TTC12: variants seen among roughly 807,000 people sequenced by gnomAD.
The protein encoded by TTC12 is tetratricopeptide repeat domain 12.
Under a neutral mutation model 90.1 loss-of-function variants are expected in TTC12, and 70 were observed. That is an observed-to-expected ratio of 0.78 (90% CI 0.64 to 0.95). The LOEUF is 0.95. Ranked by LOEUF, TTC12 falls within the 40% of genes least tolerant of loss-of-function variation. TTC12 has a pLI of 0.00. For synonymous variants in TTC12, 296 were observed against 311.5 expected, an observed-to-expected ratio of 0.95 and a Z score of 0.53; for missense variants, 819 against 846.1, an observed-to-expected ratio of 0.97 and a Z score of 0.40.
chr11:113,332,293 G>A (rs1948109654), intron 7 of TTC12, among the ~76,000 whole-genome samples: 1 of 152,146 alleles, frequency 6.6e-6, no homozygotes, highest in South Asian at 2.1e-4. Flanking sequence ...AAGGAGAGTG[G>A]GCCTATTCGT....
intron 7 of TTC12, among the ~76,000 whole-genome samples, chr11:113,331,030 G>A (rs2137956965): frequency 6.6e-6 from 1 of 152,128 alleles, no homozygotes; most frequent in East Asian, 1.9e-4. Context: ...ATTTCTTATT[G>A]AGAGGGTAAG....
intron 15 of TTC12, 49 bp downstream of exon 15, chr11:113,351,348 G>A (rs373516845): frequency 3.2e-5 from 47 of 1,470,054 alleles, no homozygotes; most frequent in African/African-American, 8.3e-5. Context: ...TCTCAGGAGC[G>A]TGAATGGGGC....
At chr11:113,356,404 G>A (rs1030669554) in intron 16 of TTC12, among the ~76,000 whole-genome samples, 3 of 152,218 alleles carry the variant, frequency 2.0e-5, no homozygotes, top group African/African-American at 4.8e-5. Context: ...TTGCCACTCT[G>A]TGTCTTGGGA....
At chr11:113,370,444 G>A (rs776557241), downstream of TTC12, among the ~76,000 whole-genome samples, 2 of 152,208 alleles carry the variant, frequency 1.3e-5, no homozygotes, top group Admixed American at 6.5e-5. Context: ...AGCAGCTCCC[G>A]GCCCTGTGGG....
downstream of TTC12, among the ~76,000 whole-genome samples, chr11:113,367,062 C>T (rs1950242059): frequency 6.6e-6 from 1 of 152,230 alleles, no homozygotes; most frequent in Non-Finnish European, 1.5e-5. Context: ...ACCCCATCCC[C>T]AGAGGCAACG....
intron 8 of TTC12, among the ~76,000 whole-genome samples, chr11:113,336,966 C>T (rs1455952422): frequency 2.0e-5 from 3 of 152,160 alleles, no homozygotes; most frequent in Non-Finnish European, 2.9e-5. Flanking sequence ...ATATTAAGTC[C>T]TCCTATCCAT....
chr11:113,350,209 T>C (rs781948790), intron 14 of TTC12, 44 bp downstream of exon 14: 5 of 1,400,028 alleles, frequency 3.6e-6, no homozygotes, highest in Non-Finnish European at 5.1e-6. Context: ...TCTTCAGTCT[T>C]TGTTGAACTG....
rs1258254216 is a variant in TTC12, at chr11:113,323,417, A to G, written c.188A>G (p.Lys63Arg). 4 of 1,610,562 alleles carry G rather than the reference A, an allele frequency of 2.5e-6. No homozygotes were observed. In the African/African-American group the frequency reaches 4.0e-5, roughly 16 times the overall value. Reference protein sequence around the residue: ...EEDECRTTLNKTMISPPQTAM... With the variant: ...EEDECRTTLNRTMISPPQTAM... ...GATGAATGCAGGACCACCTTGAACAAGACTATGATCAGTCCTCCACAAACT... is the reference window on the plus strand; with the variant it reads ...GATGAATGCAGGACCACCTTGAACAGGACTATGATCAGTCCTCCACAAACT... The change falls in exon 3 of 22, where the codon AAG becomes AGG. Residue 63 changes from lysine to arginine, a missense_variant. Physicochemically the swap from Lys to Arg is conservative, Grantham distance 26. Coordinates refer to ENST00000529221, the MANE Select transcript of TTC12 (RefSeq NM_017868.4).
At chr11:113,341,501 C>G (rs555268599) in intron 11 of TTC12, among the ~76,000 whole-genome samples, 1 of 152,234 alleles carries the variant, frequency 6.6e-6, no homozygotes, top group Admixed American at 6.5e-5. Context: ...TTCAGTTGTT[C>G]TGGTGTGCTT....
At chr11:113,358,227 G>A (rs1482368070) in intron 16 of TTC12, among the ~76,000 whole-genome samples, 1 of 152,192 alleles carries the variant, frequency 6.6e-6, no homozygotes. Flanking sequence ...GGAAGAGGAG[G>A]GGCAGGACTG....
At chr11:113,334,497 GTTCTC>G (rs1353884441) in intron 7 of TTC12, among the ~76,000 whole-genome samples, 1 of 152,052 alleles carries the variant, frequency 6.6e-6, no homozygotes, top group Non-Finnish European at 1.5e-5. Context: ...CTTAGAGTAA[GTTCTC>G]TTCTCTTCTA....
chr11:113,329,787 G>T (rs1197261238), intron 6 of TTC12, 133 bp from the exon 7 acceptor site: 1 of 784,330 alleles, frequency 1.3e-6, no homozygotes, highest in Non-Finnish European at 2.3e-6. Context: ...TCTGTTTCCT[G>T]GCAGGACCAT....
At chr11:113,324,573 C>T (rs782292143) in intron 4 of TTC12, 32 bp from the exon 5 acceptor site, 24 of 1,590,542 alleles carry the variant, frequency 1.5e-5, no homozygotes, top group Admixed American at 5.2e-5. Flanking sequence ...TTGGATTTTT[C>T]TTTTTAATAT....
rs370639948 is a variant in TTC12 at position 113,325,563 on chromosome 11, A to G, written c.362A>G (p.Asn121Ser). 9 of 1,613,908 alleles carry G rather than the reference A, an allele frequency of 5.6e-6. No homozygotes were observed. The highest frequency in any genetic ancestry group is 7.6e-6 in the Non-Finnish European group (9 of 1,179,856). The change falls in exon 6 of 22, where the codon AAT (asparagine) becomes AGT (serine). Residue 121 changes from asparagine (N) to serine (S), a missense_variant. Transcript: ENST00000529221. ...GGGAATGAAGCATTTGCTGAAGGCA[A>G]TTATGAAACAGCTATCCTGCGCTAC... ...EKGNEAFAEG[N>S]YETAILRYSE... is the part of the protein sequence containing the mutation.
At position 113,359,408 on chromosome 11, in the gene TTC12, A is replaced by G. The variant is rs1565624563; in HGVS notation, c.1492A>G (p.Thr498Ala). 9.3e-6 allele frequency: 15 copies of G among 1,613,328 alleles called. No individual in the cohort carries two copies. The highest frequency in any genetic ancestry group is 1.3e-5 in the Non-Finnish European group (15 of 1,179,512). Reference protein sequence around the residue: ...DVDLFREVIYTLLGLMMNLCL... With the variant: ...DVDLFREVIYALLGLMMNLCL... ...GGACCTGTTCAGAGAGGTTATCTAC[A>G]CACTCCTGGGACTCATGATGAACCT... Residue 498 changes from threonine (T) to alanine (A), a missense_variant, in exon 17 of 22, where the codon ACA (threonine) becomes GCA (alanine). Physicochemically the swap from Thr to Ala is moderately conservative, Grantham distance 58 (BLOSUM62 0). Transcript: ENST00000529221.
intron 18 of TTC12, among the ~76,000 whole-genome samples, chr11:113,361,590 C>T (rs1039093252): frequency 2.3e-4 from 35 of 152,198 alleles, no homozygotes; most frequent in Non-Finnish European, 5.9e-5. Flanking sequence ...ATCCTCCAGG[C>T]ATAAAATCAG....
At chr11:113,365,209 G>A (rs1040901778) in intron 21 of TTC12, 149 bp downstream of exon 21, 1 of 700,276 alleles carries the variant, frequency 1.4e-6, no homozygotes, top group South Asian at 1.8e-5. Context: ...CCCAGTAGCT[G>A]CTTCTCTGAA....
intron 13 of TTC12, among the ~76,000 whole-genome samples, chr11:113,344,743 G>A (rs1029628275): frequency 3.9e-5 from 6 of 152,160 alleles, no homozygotes; most frequent in Non-Finnish European, 5.9e-5. Flanking sequence ...TTGCTTCTCC[G>A]TCTTTGGCCT....
chr11:113,326,066 A>G (rs981635340), intron 6 of TTC12, among the ~76,000 whole-genome samples: 1 of 152,128 alleles, frequency 6.6e-6, no homozygotes, highest in South Asian at 2.1e-4. Context: ...GCGGATGCCC[A>G]CCTGTTAGTT....
Sources: gnomAD v4.1 joint callset for allele counts (sites outside exome capture counted in the v4.1 genomes callset) on GRCh38, gnomAD v4.1.1 for gene constraint, MANE v1.5 for transcripts, NCBI Gene and HGNC (gene_info 2026-07-23, HGNC 2026-07-21) for gene names.